DDX1: variants seen among roughly 807,000 people sequenced by gnomAD.
The protein encoded by DDX1 is DEAD-box helicase 1.
DDX1 carries 28 observed loss-of-function variants against 108.7 expected under a neutral mutation model. The ratio of observed to expected loss-of-function variants is 0.26; its 90% CI spans 0.19 to 0.35. DDX1 has a LOEUF of 0.35. Among genes scored for constraint, DDX1 ranks in the 10% least tolerant of loss-of-function variants. The pLI is 1.00. For missense variants in DDX1, 710 were observed against 884.5 expected, an observed-to-expected ratio of 0.80 and a Z score of 2.50; for synonymous variants, 295 against 288.9, an observed-to-expected ratio of 1.02 and a Z score of -0.21.
Position 15,627,123 on chromosome 2 carries a change from A to T in DDX1, c.1664A>T (p.Lys555Met). The change falls in exon 20 of 26, where the codon AAG (lysine) becomes ATG (methionine). Residue 555 changes from lysine (K) to methionine (M), a missense_variant. Lys to Met is a moderately conservative substitution (Grantham distance 95, BLOSUM62 -1). Transcript: ENST00000233084. ...LHGDRKPHERKQNLERFKKGD... is the reference protein window; with the variant it reads ...LHGDRKPHERMQNLERFKKGD... ...GGTGACAGAAAGCCTCATGAGAGAA[A>T]GCAAAACTTGGAAAGATTTAAGGTA... The T allele has an allele frequency of 6.2e-7, 1 of 1,609,678 alleles. No homozygotes were observed. The highest frequency in any genetic ancestry group is 1.1e-5 in the South Asian group (1 of 90,646).
At chr2:15,628,905 G>C in intron 23 of DDX1, 66 bp downstream of exon 23, 2 of 1,475,392 alleles carry the variant, frequency 1.4e-6, no homozygotes, top group Non-Finnish European at 1.9e-6. Flanking sequence ...GGAAATAAAA[G>C]CAGTTTGATT....
At chr2:15,616,149 G>A (rs1048964217) in intron 14 of DDX1, among the ~76,000 whole-genome samples, 1 of 151,996 alleles carries the variant, frequency 6.6e-6, no homozygotes, top group African/African-American at 2.4e-5. Context: ...CTGAGCTCAG[G>A]CAATCTGCCT....
intron 20 of DDX1, 129 bp downstream of exon 20, chr2:15,627,274 A>T (rs933844757): frequency 1.9e-6 from 1 of 536,104 alleles, no homozygotes; most frequent in African/African-American, 1.9e-5. Context: ...TACCCTAACT[A>T]ATGTGTCATC....
chr2:15,605,079 A>G (rs971719923), intron 10 of DDX1, among the ~76,000 whole-genome samples: 2 of 152,198 alleles, frequency 1.3e-5, no homozygotes, highest in Middle Eastern at 3.2e-3. Context: ...GGAGAGCCAT[A>G]TGGGCCATGA....
At chr2:15,625,926 G>C (rs929000354) in intron 19 of DDX1, among the ~76,000 whole-genome samples, 3 of 151,714 alleles carry the variant, frequency 2.0e-5, no homozygotes, top group African/African-American at 7.3e-5. Flanking sequence ...AAACAGACTT[G>C]CTTGGTTGTT....
chr2:15,613,994 G>T (rs1193800877), intron 14 of DDX1, among the ~76,000 whole-genome samples: 1 of 151,982 alleles, frequency 6.6e-6, no homozygotes, highest in Non-Finnish European at 1.5e-5. Context: ...CCGCCACCAT[G>T]TTGGCTGATT....
rs770857804 is a variant in DDX1, at chr2:15,627,081, C to T, written c.1622C>T (p.Ser541Leu). The change falls in exon 20 of 26, where the codon TCA becomes TTA. Residue 541 changes from serine (S) to leucine (L), a missense_variant. Coordinates refer to ENST00000233084, the MANE Select transcript of DDX1 (RefSeq NM_004939.3). ...CCTGATAAAAAAGGACACCAGTTCT[C>T]ATGTGTTTGTCTTCATGGTGACAGA... is the stretch of plus-strand genomic sequence containing the variant. ...GGPDKKGHQFSCVCLHGDRKP... is the reference protein window; with the variant it reads ...GGPDKKGHQFLCVCLHGDRKP... 8.7e-6 allele frequency: 14 copies of T among 1,611,120 alleles called. No individual in the cohort carries two copies. The highest frequency in any genetic ancestry group is 2.7e-5 in the African/African-American group (2 of 74,768).
chr2:15,627,004 C>G lies in DDX1; in HGVS notation c.1595-50C>G, dbSNP rs554840532. 251 of 1,264,064 alleles carry G rather than the reference C, an allele frequency of 2.0e-4. 6 individuals are homozygous for G. The South Asian group carries it at 3.2e-3, about 16-fold the overall frequency. 78.3% of individuals were successfully genotyped at this position (1,264,064 alleles called of 1,614,324 possible). A position where few individuals can be genotyped will look rare whatever the true frequency, so the allele number is the denominator to read the frequency against. ...AATTTTATTGGCTTTTTTACATAGT[C>G]TTAGGCAGAAGATTTTCCAAGGTTA... On this transcript the variant is annotated intron_variant, in intron 19 of 25. Coordinates refer to ENST00000233084, the MANE Select transcript of DDX1 (RefSeq NM_004939.3).
At chr2:15,605,349 A>G (rs1665645486) in intron 10 of DDX1, among the ~76,000 whole-genome samples, 1 of 152,120 alleles carries the variant, frequency 6.6e-6, no homozygotes, top group African/African-American at 2.4e-5. Context: ...CAGGAGGAGA[A>G]CCAAGAAAGC....
chr2:15,629,440 A>G (rs1215164233), intron 23 of DDX1, among the ~76,000 whole-genome samples, 162 bp from the exon 24 acceptor site: 1 of 152,220 alleles, frequency 6.6e-6, no homozygotes, highest in Non-Finnish European at 1.5e-5. Flanking sequence ...TATTTATTCA[A>G]TGAGCTACTG....
intron 13 of DDX1, among the ~76,000 whole-genome samples, chr2:15,608,527 CA>C (rs201822266): frequency 1.8e-3 from 171 of 93,930 alleles, no homozygotes; most frequent in Middle Eastern, 0.011. Context: ...GACTCCGTCT[CA>C]AAAAAAAAAA....
intron 14 of DDX1, among the ~76,000 whole-genome samples, chr2:15,614,615 G>A (rs1238190369): frequency 1.3e-5 from 2 of 152,146 alleles, no homozygotes; most frequent in African/African-American, 4.8e-5. Flanking sequence ...AGTTATTGCA[G>A]GAGTTTCGGC....
At chr2:15,597,623 TA>T (rs1665523345) in intron 5 of DDX1, 152 bp downstream of exon 5, 1 of 608,582 alleles carries the variant, frequency 1.6e-6, no homozygotes, top group East Asian at 2.9e-5. Context: ...CCAGGGATGC[TA>T]AATGTTGTTG....
At chr2:15,603,386 G>A in intron 8 of DDX1, 111 bp downstream of exon 8, 1 of 765,238 alleles carries the variant, frequency 1.3e-6, no homozygotes, top group Non-Finnish European at 2.1e-6. Context: ...TTATTTTAAA[G>A]ACATGGAAAC....
intron 25 of DDX1, 21 bp from the exon 26 acceptor site, chr2:15,630,755 T>C (rs765117586): frequency 1.4e-5 from 23 of 1,604,774 alleles, no homozygotes; most frequent in Non-Finnish European, 1.8e-5. Context: ...TACATTACTT[T>C]GTTATTTGTG....
intron 23 of DDX1, 63 bp from the exon 24 acceptor site, chr2:15,629,539 A>G: frequency 8.2e-7 from 1 of 1,212,218 alleles, no homozygotes; most frequent in Non-Finnish European, 1.2e-6. Context: ...ACAAATTTAG[A>G]ATAAGATATT....
At chr2:15,609,139 A>G (rs1313907300) in intron 13 of DDX1, among the ~76,000 whole-genome samples, 2 of 152,270 alleles carry the variant, frequency 1.3e-5, no homozygotes, top group Non-Finnish European at 2.9e-5. Context: ...GCATCTGCTT[A>G]GTGTAAGAAA....
intron 19 of DDX1, among the ~76,000 whole-genome samples, 172 bp from the exon 20 acceptor site, chr2:15,626,882 A>T (rs1295791014): frequency 6.6e-6 from 1 of 152,146 alleles, no homozygotes; most frequent in Non-Finnish European, 1.5e-5. Context: ...AGTTCATTTT[A>T]ATGGTACTTC....
intron 6 of DDX1, among the ~76,000 whole-genome samples, chr2:15,599,980 G>A (rs1433457190): frequency 1.3e-5 from 2 of 152,078 alleles, no homozygotes; most frequent in Non-Finnish European, 2.9e-5. Context: ...TAAGTAAAGG[G>A]TGCTGACACG....
Sources: gnomAD v4.1 joint callset for allele counts (sites outside exome capture counted in the v4.1 genomes callset) on GRCh38, gnomAD v4.1.1 for gene constraint, MANE v1.5 for transcripts, NCBI Gene and HGNC (gene_info 2026-07-23, HGNC 2026-07-21) for gene names.